Variants in AGBL1 observed in about 807,000 individuals in gnomAD.
The protein encoded by AGBL1 is cytosolic carboxypeptidase 4.
In AGBL1, 130 loss-of-function variants were observed where a neutral mutation model predicts 118.9. The ratio of observed to expected loss-of-function variants is 1.09; its 90% CI spans 0.95 to 1.26. The LOEUF (loss-of-function observed/expected upper bound fraction) is 1.26. Among genes scored for constraint, AGBL1 ranks in the 50% most tolerant of loss-of-function variants. The pLI is 0.00. For synonymous variants in AGBL1, 555 were observed against 478.9 expected, an observed-to-expected ratio of 1.16 and a Z score of -2.08; for missense variants, 1,584 against 1,298.1, an observed-to-expected ratio of 1.22 and a Z score of -3.38.
intron 22 of AGBL1, among the ~76,000 whole-genome samples, chr15:86,697,641 T>G (rs967446063): frequency 3.9e-5 from 6 of 151,906 alleles, no homozygotes; most frequent in Non-Finnish European, 8.8e-5. Flanking sequence ...GTATGATTTT[T>G]GGGGGAGTGT....
chr15:87,020,939 C>A (rs998061269), intron 24 of AGBL1, among the ~76,000 whole-genome samples: 1 of 151,908 alleles, frequency 6.6e-6, no homozygotes, highest in African/African-American at 2.4e-5. Flanking sequence ...TTTATAGATT[C>A]AATGCTATTC....
At chr15:86,416,932 G>A (rs1389477794) in intron 18 of AGBL1, among the ~76,000 whole-genome samples, 1 of 152,158 alleles carries the variant, frequency 6.6e-6, no homozygotes, top group Admixed American at 6.5e-5. Context: ...CCAGTGATAT[G>A]CAATTTCTCT....
At chr15:86,777,974 A>G (rs1480479734) in intron 22 of AGBL1, among the ~76,000 whole-genome samples, 3 of 152,170 alleles carry the variant, frequency 2.0e-5, no homozygotes, top group African/African-American at 7.2e-5. Context: ...GTTCACCCCC[A>G]ATATTTCATG....
At chr15:86,318,366 TTCTG>T (rs1284626050) in intron 17 of AGBL1, among the ~76,000 whole-genome samples, 2 of 152,208 alleles carry the variant, frequency 1.3e-5, no homozygotes, top group Non-Finnish European at 2.9e-5. Flanking sequence ...TTATTTTCTT[TTCTG>T]TCTGTTTTTT....
At chr15:86,936,255 T>TGA (rs1567248248) in intron 23 of AGBL1, among the ~76,000 whole-genome samples, 3 of 152,020 alleles carry the variant, frequency 2.0e-5, no homozygotes, top group African/African-American at 7.3e-5. Context: ...TGTGTGTGTG[T>TGA]GTGTGTGTGT....
chr15:86,985,006 C>T (rs911825804), intron 23 of AGBL1, among the ~76,000 whole-genome samples: 1 of 152,086 alleles, frequency 6.6e-6, no homozygotes, highest in Non-Finnish European at 1.5e-5. Context: ...TTATTTTTGA[C>T]TTCTTTTACT....
At chr15:87,005,642 C>T (rs915400308) in intron 24 of AGBL1, among the ~76,000 whole-genome samples, 10 of 152,194 alleles carry the variant, frequency 6.6e-5, no homozygotes, top group Admixed American at 3.3e-4. Flanking sequence ...CGAACTTCCT[C>T]CTCTAGCTCA....
chr15:86,930,230 T>G (rs2080589415), intron 23 of AGBL1, among the ~76,000 whole-genome samples: 1 of 152,152 alleles, frequency 6.6e-6, no homozygotes, highest in Non-Finnish European at 1.5e-5. Flanking sequence ...ATAGGGTGAC[T>G]TCAGGCAAGT....
chr15:86,546,374 A>G (rs1386234174), intron 20 of AGBL1, among the ~76,000 whole-genome samples: 1 of 152,074 alleles, frequency 6.6e-6, no homozygotes, highest in Non-Finnish European at 1.5e-5. Flanking sequence ...GTGGTTTGAT[A>G]TTGTATAAAA....
intron 23 of AGBL1, chr15:86,987,886 T>C (rs1240416886): frequency 1.4e-6 from 2 of 1,439,966 alleles, no homozygotes; most frequent in Middle Eastern, 2.5e-4. Flanking sequence ...AAGTTTGTTT[T>C]TCCCACTCAA....
At chr15:86,752,993 G>T (rs566918266) in intron 22 of AGBL1, among the ~76,000 whole-genome samples, 1 of 151,974 alleles carries the variant, frequency 6.6e-6, no homozygotes, top group African/African-American at 2.4e-5. Context: ...CCTTTCTTCA[G>T]TCCTTCTAAA....
chr15:86,268,652 A>G (rs143179751), intron 13 of AGBL1, among the ~76,000 whole-genome samples: 5 of 152,166 alleles, frequency 3.3e-5, no homozygotes, highest in Non-Finnish European at 4.4e-5. Context: ...TGGGAATAGC[A>G]GACAATTTGA....
At chr15:86,476,623 A>G (rs1213132936) in intron 18 of AGBL1, among the ~76,000 whole-genome samples, 2 of 152,182 alleles carry the variant, frequency 1.3e-5, no homozygotes, top group African/African-American at 4.8e-5. Context: ...CTCCCACACA[A>G]TAATAATGGG....
At chr15:86,978,380 C>A (rs1440374138) in intron 23 of AGBL1, among the ~76,000 whole-genome samples, 2 of 152,066 alleles carry the variant, frequency 1.3e-5, no homozygotes, top group Non-Finnish European at 2.9e-5. Flanking sequence ...CATAAATATT[C>A]AAAAGTTCTA....
At chr15:86,220,410 G>A (rs2078263001) in intron 5 of AGBL1, among the ~76,000 whole-genome samples, 1 of 152,298 alleles carries the variant, frequency 6.6e-6, no homozygotes, top group African/African-American at 2.4e-5. Flanking sequence ...CATTTAGCTT[G>A]CTGCTTGGCA....
intron 21 of AGBL1, among the ~76,000 whole-genome samples, chr15:86,559,195 G>A (rs2083778923): frequency 6.6e-6 from 1 of 152,078 alleles, no homozygotes; most frequent in Non-Finnish European, 1.5e-5. Flanking sequence ...ACTCCAGGAT[G>A]ACCTCATCTT....
chr15:86,117,438 A>C (rs911178250), intron 1 of AGBL1, among the ~76,000 whole-genome samples: 1 of 151,962 alleles, frequency 6.6e-6, no homozygotes, highest in African/African-American at 2.4e-5. Flanking sequence ...GTAATTTCCA[A>C]TTTTCCCTGT....
intron 22 of AGBL1, among the ~76,000 whole-genome samples, chr15:86,710,625 A>G (rs1411837126): frequency 6.6e-6 from 1 of 152,238 alleles, no homozygotes; most frequent in Non-Finnish European, 1.5e-5. Context: ...TAAATGCAAT[A>G]CAACTGAATT....
At chr15:86,306,665 C>A (rs1185613892) in intron 17 of AGBL1, among the ~76,000 whole-genome samples, 1 of 152,124 alleles carries the variant, frequency 6.6e-6, no homozygotes, top group Non-Finnish European at 1.5e-5. Flanking sequence ...GATTTCCTTT[C>A]TTTTGAGTAT....
Sources: gnomAD v4.1 joint callset for allele counts (sites outside exome capture counted in the v4.1 genomes callset) on GRCh38, gnomAD v4.1.1 for gene constraint, MANE v1.5 for transcripts, NCBI Gene and HGNC (gene_info 2026-07-23, HGNC 2026-07-21) for gene names.